The following LAMA3 variants were observed in gnomAD, a reference collection of about 807,000 sequenced individuals.
LAMA3 encodes laminin subunit alpha-3.
A neutral mutation model predicts 402.0 loss-of-function variants in LAMA3; 281 were observed. That is an observed-to-expected ratio of 0.70 (90% CI 0.63 to 0.77). The LOEUF is 0.77. Ranked by LOEUF, LAMA3 falls within the 30% of genes least tolerant of loss-of-function variation. LAMA3 has a pLI of 0.00. For synonymous variants in LAMA3, 1,431 were observed against 1,558.4 expected (o/e 0.92, Z 1.93); for missense variants, 3,840 against 4,215.5 (o/e 0.91, Z 2.47).
intron 1 of LAMA3, among the ~76,000 whole-genome samples, chr18:23,695,833 A>AG (rs2060675898): frequency 2.3e-5 from 3 of 129,428 alleles, no homozygotes; most frequent in African/African-American, 8.2e-5. Flanking sequence ...AAAAAAAAAA[A>AG]AAAGAAATAT....
At chr18:23,722,282 CT>C (rs1227538545) in intron 2 of LAMA3, among the ~76,000 whole-genome samples, 1 of 152,190 alleles carries the variant, frequency 6.6e-6, no homozygotes, top group Non-Finnish European at 1.5e-5. Context: ...GAAACCCTTC[CT>C]GGCTGCCTGC....
At chr18:23,716,514 A>G (rs542021050) in intron 2 of LAMA3, among the ~76,000 whole-genome samples, 24 of 152,326 alleles carry the variant, frequency 1.6e-4, no homozygotes, top group African/African-American at 5.8e-4. Context: ...TTAATCCTTC[A>G]AAATGACCCA....
intron 2 of LAMA3, among the ~76,000 whole-genome samples, chr18:23,728,162 T>C (rs2061330153): frequency 6.6e-6 from 1 of 152,180 alleles, no homozygotes. Context: ...CATTTGTTCA[T>C]TATTTGAAAC....
intron 2 of LAMA3, among the ~76,000 whole-genome samples, chr18:23,726,414 T>G (rs1477192502): frequency 2.0e-5 from 3 of 152,166 alleles, no homozygotes; most frequent in Non-Finnish European, 4.4e-5. Flanking sequence ...ACGGCTGTTT[T>G]GTAAATCCCT....
chr18:23,734,031 C>T (rs2061434340), intron 2 of LAMA3, among the ~76,000 whole-genome samples: 1 of 152,240 alleles, frequency 6.6e-6, no homozygotes, highest in Admixed American at 6.5e-5. Flanking sequence ...CAGGGATTCA[C>T]TCTGTGTTCT....
intron 12 of LAMA3, among the ~76,000 whole-genome samples, chr18:23,790,718 A>T (rs1289115182): frequency 1.3e-5 from 2 of 152,142 alleles, no homozygotes; most frequent in African/African-American, 4.8e-5. Flanking sequence ...AATCTGATGA[A>T]TCCATTTTCC....
intron 2 of LAMA3, among the ~76,000 whole-genome samples, chr18:23,736,019 G>A (rs1218286885): frequency 6.6e-6 from 1 of 151,948 alleles, no homozygotes; most frequent in East Asian, 1.9e-4. Context: ...TAGGAATGAG[G>A]GATGGTTTTT....
Position 23,912,700 on chromosome 18 carries a change from A to T in LAMA3, c.7159-11A>T. 1 of 1,612,342 alleles carries T rather than the reference A, an allele frequency of 6.2e-7. No individual in the cohort carries two copies. Among genetic ancestry groups the T allele is most frequent in the Non-Finnish European group, 8.5e-7 (1 of 1,178,530 alleles). ...GACAGTGTTTGACACCATGTAACTT[A>T]CTCCTCACAGGTTGCTGTCCCCATG... is the stretch of plus-strand genomic sequence containing the variant. On this transcript the variant is annotated splice_polypyrimidine_tract_variant and intron_variant, in intron 55 of 74. Coordinates refer to ENST00000313654, the MANE Select transcript of LAMA3 (RefSeq NM_198129.4).
intron 20 of LAMA3, among the ~76,000 whole-genome samples, chr18:23,823,488 A>C (rs1468001919): frequency 1.3e-5 from 2 of 152,156 alleles, no homozygotes; most frequent in African/African-American, 4.8e-5. Context: ...AGCCCTAGTT[A>C]TGTTATGTCC....
intron 23 of LAMA3, among the ~76,000 whole-genome samples, chr18:23,830,189 C>T (rs534336511): frequency 4.6e-5 from 7 of 152,202 alleles, no homozygotes; most frequent in East Asian, 3.9e-4. Context: ...TCTTTTAAAA[C>T]GTTTTATCCA....
chr18:23,871,965 A>G (rs1250332045), intron 38 of LAMA3, among the ~76,000 whole-genome samples: 1 of 152,242 alleles, frequency 6.6e-6, no homozygotes, highest in East Asian at 1.9e-4. Flanking sequence ...GATATTGACT[A>G]TTCCCAACAC....
chr18:23,839,994 C>G lies in LAMA3; in HGVS notation c.3336+65C>G. ...ACCTCTGAAGCAGCAGCATCCACATCACTTGGAAACTTGTCAGCAATGCAG... is the reference window on the plus strand; with the variant it reads ...ACCTCTGAAGCAGCAGCATCCACATGACTTGGAAACTTGTCAGCAATGCAG... On this transcript the variant is annotated intron_variant, in intron 27 of 74. Coordinates refer to ENST00000313654, the MANE Select transcript of LAMA3 (RefSeq NM_198129.4). The surrounding 1 kb of genome is among the most constrained non-coding windows in gnomAD (Gnocchi z 4.5). 1 of 1,548,758 alleles carries G rather than the reference C, an allele frequency of 6.5e-7. No homozygotes were observed. The highest frequency in any genetic ancestry group is 1.1e-5 in the South Asian group (1 of 89,414).
Position 23,873,103 on chromosome 18 carries a change from C to T in LAMA3, c.4998+1442C>T. 1 of 1,614,208 alleles carries T rather than the reference C, an allele frequency of 6.2e-7. No individual in the cohort carries two copies. Among genetic ancestry groups the T allele is most frequent in the Non-Finnish European group, 8.5e-7 (1 of 1,180,028 alleles). On this transcript the variant is annotated intron_variant, in intron 38 of 74. Coordinates refer to ENST00000313654, the MANE Select transcript of LAMA3 (RefSeq NM_198129.4). ...ATGGGATGGCTGTGGATCTTTGGGGCAGCCCTGGGGCAGTGTCTGGGCTAC... is the reference window on the plus strand; with the variant it reads ...ATGGGATGGCTGTGGATCTTTGGGGTAGCCCTGGGGCAGTGTCTGGGCTAC...
chr18:23,815,833 A>C (rs1365169392), intron 17 of LAMA3, among the ~76,000 whole-genome samples: 3 of 152,298 alleles, frequency 2.0e-5, no homozygotes, highest in African/African-American at 4.8e-5. Context: ...GGCATCTGTT[A>C]GTTTTATAAA....
At chr18:23,831,068 C>T (rs915620466) in intron 23 of LAMA3, among the ~76,000 whole-genome samples, 2 of 152,100 alleles carry the variant, frequency 1.3e-5, no homozygotes, top group South Asian at 2.1e-4. Flanking sequence ...GTGTACATCC[C>T]GAACTTTTCT....
intron 8 of LAMA3, among the ~76,000 whole-genome samples, chr18:23,765,349 G>A (rs1329035326): frequency 3.3e-5 from 5 of 152,170 alleles, no homozygotes; most frequent in African/African-American, 1.2e-4. Flanking sequence ...TGACCCCTCA[G>A]TCCGTTTTCC....
At chr18:23,700,116 T>C (rs1416384005) in intron 1 of LAMA3, among the ~76,000 whole-genome samples, 2 of 152,188 alleles carry the variant, frequency 1.3e-5, no homozygotes, top group Non-Finnish European at 2.9e-5. Context: ...ATGATCTTTT[T>C]TTGTCCTTAC....
intron 2 of LAMA3, among the ~76,000 whole-genome samples, chr18:23,728,370 C>T (rs1230518731): frequency 2.0e-5 from 3 of 152,026 alleles, no homozygotes; most frequent in Non-Finnish European, 4.4e-5. Flanking sequence ...CTCTGTTGGC[C>T]CATAGGCTGC....
chr18:23,855,564 G>A (rs1227663882), intron 32 of LAMA3, among the ~76,000 whole-genome samples: 1 of 152,218 alleles, frequency 6.6e-6, no homozygotes, highest in Non-Finnish European at 1.5e-5. Flanking sequence ...GAAGAGAGCA[G>A]TTGTTATTAA....
Sources: gnomAD v4.1 joint callset for allele counts (sites outside exome capture counted in the v4.1 genomes callset) on GRCh38, gnomAD v4.1.1 for gene constraint, Gnocchi (gnomAD v3.1) non-coding constraint, MANE v1.5 for transcripts, NCBI Gene and HGNC (gene_info 2026-07-23, HGNC 2026-07-21) for gene names.